FOXP1: variants seen among roughly 807,000 people sequenced by gnomAD.
FOXP1 encodes forkhead box protein P1.
FOXP1 carries 15 observed loss-of-function variants against 98.2 expected under a neutral mutation model. The observed-to-expected ratio is 0.15, with a 90% CI of 0.10 to 0.24. FOXP1 has a LOEUF of 0.24. FOXP1 is among the 10% of genes least tolerant of loss of function. The pLI, the probability that FOXP1 is intolerant of heterozygous loss-of-function variation, is 1.00. For synonymous variants in FOXP1, 371 were observed against 314.5 expected, an observed-to-expected ratio of 1.18 and a Z score of -1.90; for missense variants, 633 against 848.5, an observed-to-expected ratio of 0.75 and a Z score of 3.15.
intron 13 of FOXP1, among the ~76,000 whole-genome samples, chr3:70,992,382 C>T (rs1023094050): frequency 3.9e-5 from 6 of 152,038 alleles, no homozygotes; most frequent in Middle Eastern, 3.4e-3. Context: ...CAGGGTATAT[C>T]CAATAACACA....
intron 3 of FOXP1, among the ~76,000 whole-genome samples, chr3:71,402,567 C>G (rs781780788): frequency 6.6e-6 from 1 of 152,206 alleles, no homozygotes; most frequent in African/African-American, 2.4e-5. Context: ...CTATACATGT[C>G]AACATGATAC....
intron 7 of FOXP1, among the ~76,000 whole-genome samples, chr3:71,074,839 A>ACATCGAGGGAGTGAGAC (rs2053629931): frequency 6.6e-6 from 1 of 152,218 alleles, no homozygotes; most frequent in African/African-American, 2.4e-5. Context: ...GGGAGTGGGA[A>ACATCGAGGGAGTGAGAC]CATCGAGGGA....
At chr3:71,295,923 G>C (rs925313962) in intron 5 of FOXP1, among the ~76,000 whole-genome samples, 1 of 152,060 alleles carries the variant, frequency 6.6e-6, no homozygotes, top group Admixed American at 6.6e-5. Context: ...TATCATCAAC[G>C]GGACCGTTTT....
At chr3:71,414,472 C>T (rs529079658) in intron 3 of FOXP1, among the ~76,000 whole-genome samples, 1 of 152,352 alleles carries the variant, frequency 6.6e-6, no homozygotes, top group East Asian at 1.9e-4. Context: ...GCAGGGGATG[C>T]AGCCCCAGGC....
intron 6 of FOXP1, among the ~76,000 whole-genome samples, chr3:71,157,299 C>T (rs1008643876): frequency 1.3e-5 from 2 of 152,102 alleles, no homozygotes; most frequent in African/African-American, 4.8e-5. Flanking sequence ...GAAAGGACTT[C>T]TCAATCTTGA....
At chr3:71,359,683 C>T (rs1055354528) in intron 3 of FOXP1, among the ~76,000 whole-genome samples, 1 of 152,150 alleles carries the variant, frequency 6.6e-6, no homozygotes, top group African/African-American at 2.4e-5. Flanking sequence ...AGGTGTGCGC[C>T]ACCATGCCCA....
chr3:71,397,021 TATACATATATATGTGTATATATATATAC>T lies in FOXP1; in HGVS notation c.-167-37805_-167-37778del, dbSNP rs1560425208. 4.3e-4 allele frequency among the ~76,000 whole-genome samples: 17 copies of T among 39,380 alleles called. 3 individuals carry two copies. The highest frequency in any genetic ancestry group is 9.9e-4 in the African/African-American group (10 of 10,074). The allele number at this position is 39,380 out of a possible 152,430, so 25.8% of individuals were successfully genotyped here. ...ACATATATATGTGTATATATATATA[TATACATATATATGTGTATATATATATAC>T]ACATATATATGTGTATATATATATA... On this transcript the variant is annotated intron_variant, in intron 3 of 20. Coordinates refer to ENST00000649528, the MANE Select transcript of FOXP1 (RefSeq NM_001349338.3).
chr3:71,521,949 T>TTATGAAGCCCGCTGATTG (rs2043024467), intron 2 of FOXP1, among the ~76,000 whole-genome samples: 1 of 152,290 alleles, frequency 6.6e-6, no homozygotes, highest in Admixed American at 6.5e-5. Flanking sequence ...ACCAAACTTT[T>TTATGAAGCCCGCTGATTG]TATGAAGCCC....
intron 7 of FOXP1, chr3:71,064,901 G>A (rs2052188094): frequency 1.3e-6 from 1 of 761,484 alleles, no homozygotes; most frequent in Non-Finnish European, 1.6e-6. Context: ...GGGGTCCGGC[G>A]GCCTCGGCGT....
intron 17 of FOXP1, among the ~76,000 whole-genome samples, chr3:70,974,720 G>GA: frequency 6.6e-6 from 1 of 152,332 alleles, no homozygotes; most frequent in Middle Eastern, 3.4e-3. Context: ...GACAGGGCAT[G>GA]ACACATGTAA....
At chr3:71,153,693 G>T (rs1228600277) in intron 6 of FOXP1, among the ~76,000 whole-genome samples, 1 of 152,172 alleles carries the variant, frequency 6.6e-6, no homozygotes, top group Middle Eastern at 3.4e-3. Flanking sequence ...CTAAAGAGGT[G>T]GATTCCAGCT....
At chr3:71,239,500 C>T (rs1457355665) in intron 5 of FOXP1, among the ~76,000 whole-genome samples, 4 of 152,102 alleles carry the variant, frequency 2.6e-5, no homozygotes, top group Admixed American at 1.3e-4. Context: ...GCCGAGATCA[C>T]GCCACTGCAT....
At chr3:71,117,919 T>C (rs2058491250) in intron 6 of FOXP1, among the ~76,000 whole-genome samples, 1 of 152,204 alleles carries the variant, frequency 6.6e-6, no homozygotes, top group African/African-American at 2.4e-5. Flanking sequence ...AGAGCCCAGT[T>C]GCACACATTC....
intron 6 of FOXP1, among the ~76,000 whole-genome samples, chr3:71,130,105 G>T (rs1460734231): frequency 6.6e-6 from 1 of 152,122 alleles, no homozygotes; most frequent in African/African-American, 2.4e-5. Context: ...AATTACAAAG[G>T]CACCATCCCC....
intron 14 of FOXP1, among the ~76,000 whole-genome samples, chr3:70,979,117 T>C (rs28735024): frequency 4.6e-4 from 69 of 149,826 alleles, no homozygotes; most frequent in Non-Finnish European, 3.1e-4. Flanking sequence ...CGCACACACA[T>C]ACACACACAC....
Position 70,956,735 on chromosome 3 carries a change from T to G in FOXP1, c.*2512A>C, listed in dbSNP as rs952576529. On this transcript the variant is annotated 3_prime_UTR_variant, in exon 21 of 21. Coordinates refer to ENST00000649528, the MANE Select transcript of FOXP1 (RefSeq NM_001349338.3). ...CATCATGAAGCTGCCTGGAAAAGTT[T>G]TTTTTTTTTTTTTTTTTTTTTTTTT... 5.2e-5 allele frequency: 4 copies of G among 77,100 alleles called. No homozygotes were observed. Among genetic ancestry groups the G allele is most frequent in the African/African-American group, 1.5e-4 (1 of 6,828 alleles). 4.8% of individuals were successfully genotyped at this position (77,100 alleles called of 1,614,324 possible). A position where few individuals can be genotyped will look rare whatever the true frequency, so the allele number is the denominator to read the frequency against.
intron 4 of FOXP1, among the ~76,000 whole-genome samples, chr3:71,342,288 C>T (rs1224393429): frequency 1.3e-5 from 2 of 152,196 alleles, no homozygotes; most frequent in Non-Finnish European, 2.9e-5. Context: ...GACCTGAAAA[C>T]TCAAACCCTA....
chr3:71,361,766 G>A lies in FOXP1; in HGVS notation c.-167-2522C>T, dbSNP rs572812038. Among the ~76,000 whole-genome samples, 9 of 152,312 alleles carry A rather than the reference G, an allele frequency of 5.9e-5. No individual in the cohort carries two copies. The South Asian group carries it at 1.7e-3, about 28-fold the overall frequency. On this transcript the variant is annotated intron_variant, in intron 3 of 20. Coordinates refer to ENST00000649528, the MANE Select transcript of FOXP1 (RefSeq NM_001349338.3). ...ATGCTCAACTAATTATTCAGACAGC[G>A]ACATTAATGAGAGCCCTCATGTTTA...
intron 2 of FOXP1, among the ~76,000 whole-genome samples, chr3:71,494,054 T>C (rs1446556472): frequency 1.3e-5 from 2 of 152,198 alleles, no homozygotes; most frequent in African/African-American, 4.8e-5. Flanking sequence ...AAAATAATTC[T>C]ATTTTATTCT....
Sources: allele counts gnomAD v4.1 joint callset (sites outside exome capture counted in the v4.1 genomes callset), GRCh38; gene constraint gnomAD v4.1.1; transcripts MANE v1.5; gene names NCBI Gene and HGNC (gene_info 2026-07-23, HGNC 2026-07-21).